The following FHIT variants were observed in gnomAD, a reference collection of about 807,000 sequenced individuals.
FHIT encodes fragile histidine triad diadenosine triphosphatase.
In FHIT, 19 loss-of-function variants were observed where a neutral mutation model predicts 17.9. That is an observed-to-expected ratio of 1.06 (90% CI 0.74 to 1.56). The LOEUF (loss-of-function observed/expected upper bound fraction) is 1.56, where lower values mean the gene tolerates loss of function less well. FHIT is among the 40% of genes most tolerant of loss of function. The pLI is 0.00. For synonymous variants in FHIT, 81 were observed against 69.7 expected (o/e 1.16, Z -0.81); for missense variants, 248 against 189.2 (o/e 1.31, Z -1.82).
At chr3:60,756,592 T>C (rs1168521763) in intron 4 of FHIT, among the ~76,000 whole-genome samples, 3 of 152,118 alleles carry the variant, frequency 2.0e-5, no homozygotes, top group African/African-American at 7.2e-5. Context: ...ACGGTATTGA[T>C]GAAGAAGCAG....
chr3:60,776,458 G>A (rs1457695138), intron 4 of FHIT, among the ~76,000 whole-genome samples: 1 of 152,234 alleles, frequency 6.6e-6, no homozygotes, highest in East Asian at 1.9e-4. Flanking sequence ...AAAAACTATT[G>A]GTCAAATGCA....
At chr3:59,782,452 C>T (rs531418790) in intron 8 of FHIT, among the ~76,000 whole-genome samples, 5 of 152,202 alleles carry the variant, frequency 3.3e-5, no homozygotes, top group Non-Finnish European at 5.9e-5. Flanking sequence ...AAACTCAGTG[C>T]TCATCTCACT....
chr3:60,702,574 T>C (rs1333850124), intron 4 of FHIT, among the ~76,000 whole-genome samples: 19 of 152,092 alleles, frequency 1.2e-4, no homozygotes, highest in Non-Finnish European at 1.5e-5. Context: ...AAGAAAAAAT[T>C]TGATTTTTAT....
Position 61,066,517 on chromosome 3 carries a change from A to G in FHIT, c.-163-24418T>C, listed in dbSNP as rs554978169. ...GTAGTCCCAGCTACTCAGGAAGCTG[A>G]GGCAGGAGAATTGCTTGAACCTAGG... On this transcript the variant is annotated intron_variant, in intron 2 of 9. Coordinates refer to ENST00000492590, the MANE Select transcript of FHIT (RefSeq NM_002012.4). Among the ~76,000 whole-genome samples the G allele has an allele frequency of 3.9e-5, 6 of 152,340 alleles. No homozygotes were observed. The South Asian group carries it at 1.2e-3, about 32-fold the overall frequency.
chr3:60,494,665 C>T (rs1249692536), intron 5 of FHIT, among the ~76,000 whole-genome samples: 1 of 152,136 alleles, frequency 6.6e-6, no homozygotes, highest in Non-Finnish European at 1.5e-5. Context: ...CTTCTACTTA[C>T]TACCTCTATT....
chr3:60,782,374 G>A (rs1553725926), intron 4 of FHIT, among the ~76,000 whole-genome samples: 1 of 152,174 alleles, frequency 6.6e-6, no homozygotes, highest in Non-Finnish European at 1.5e-5. Context: ...TGATGGGAAT[G>A]TAAATTTGTA....
chr3:60,841,860 T>C (rs1702733358), intron 3 of FHIT, among the ~76,000 whole-genome samples: 1 of 152,072 alleles, frequency 6.6e-6, no homozygotes, highest in African/African-American at 2.4e-5. Flanking sequence ...GGCTACTAAA[T>C]ATTAAAAAAA....
chr3:59,868,261 T>C (rs907425464), intron 8 of FHIT, among the ~76,000 whole-genome samples: 3 of 152,106 alleles, frequency 2.0e-5, no homozygotes, highest in Admixed American at 2.0e-4. Context: ...AGCAGAGAGA[T>C]TGACGTTGTT....
At chr3:60,000,841 C>T (rs991625146) in intron 7 of FHIT, among the ~76,000 whole-genome samples, 1 of 152,182 alleles carries the variant, frequency 6.6e-6, no homozygotes, top group Non-Finnish European at 1.5e-5. Flanking sequence ...GGCTCCCCGC[C>T]CACTCTTCCC....
chr3:60,612,014 T>A (rs782027852), intron 4 of FHIT, among the ~76,000 whole-genome samples: 3 of 152,130 alleles, frequency 2.0e-5, no homozygotes, highest in Non-Finnish European at 4.4e-5. Context: ...GTCCCATTCC[T>A]CACCTAGCCC....
chr3:60,212,247 T>G (rs1703485160), intron 5 of FHIT, among the ~76,000 whole-genome samples: 1 of 152,182 alleles, frequency 6.6e-6, no homozygotes. Flanking sequence ...AAACAAGGAC[T>G]GGCTCCAGTC....
intron 4 of FHIT, among the ~76,000 whole-genome samples, chr3:60,624,568 T>G (rs906947164): frequency 1.3e-5 from 2 of 152,050 alleles, no homozygotes; most frequent in Admixed American, 1.3e-4. Flanking sequence ...AGTAAAATAT[T>G]CAAGAAGGGT....
intron 7 of FHIT, among the ~76,000 whole-genome samples, chr3:59,972,859 C>T (rs1041313935): frequency 6.6e-6 from 1 of 152,022 alleles, no homozygotes; most frequent in Admixed American, 6.6e-5. Context: ...ATTTGCTGGC[C>T]CCTACCTAGT....
At chr3:60,365,758 C>T (rs1449680119) in intron 5 of FHIT, among the ~76,000 whole-genome samples, 1 of 152,174 alleles carries the variant, frequency 6.6e-6, no homozygotes, top group African/African-American at 2.4e-5. Context: ...AGAAAGTCAA[C>T]TCCTGGTCTA....
intron 4 of FHIT, among the ~76,000 whole-genome samples, chr3:60,559,269 AGGC>A (rs2036848506): frequency 6.6e-6 from 1 of 152,234 alleles, no homozygotes; most frequent in Non-Finnish European, 1.5e-5. Flanking sequence ...ATTTCCCTAG[AGGC>A]ATGCATTTCT....
intron 2 of FHIT, among the ~76,000 whole-genome samples, chr3:61,197,977 G>A (rs1365026117): frequency 6.6e-6 from 1 of 152,060 alleles, no homozygotes; most frequent in Non-Finnish European, 1.5e-5. Context: ...ATTTTTGAGA[G>A]TCTAATAAAG....
At chr3:60,290,275 C>T (rs980368607) in intron 5 of FHIT, among the ~76,000 whole-genome samples, 3 of 152,126 alleles carry the variant, frequency 2.0e-5, no homozygotes, top group Admixed American at 1.3e-4. Flanking sequence ...ATCAGCCCAC[C>T]ACCTCCTGCT....
chr3:59,840,275 A>G (rs1325143543), intron 8 of FHIT, among the ~76,000 whole-genome samples: 1 of 152,024 alleles, frequency 6.6e-6, no homozygotes, highest in Non-Finnish European at 1.5e-5. Context: ...TTGTGGCCCC[A>G]CTGAGGTTAC....
intron 5 of FHIT, among the ~76,000 whole-genome samples, chr3:60,077,057 G>A (rs867146450): frequency 1.1e-4 from 12 of 107,800 alleles, no homozygotes; most frequent in Admixed American, 3.4e-4. Context: ...AAACTTAGTA[G>A]ACAGAAATAT....
Sources: allele counts gnomAD v4.1 joint callset (sites outside exome capture counted in the v4.1 genomes callset), GRCh38; gene constraint gnomAD v4.1.1; transcripts MANE v1.5; gene names NCBI Gene and HGNC (gene_info 2026-07-23, HGNC 2026-07-21).